The following CSMD1 variants were observed in gnomAD, a reference collection of about 807,000 sequenced individuals.
CSMD1 encodes the protein CUB and sushi domain-containing protein 1.
In CSMD1, 213 loss-of-function variants were observed where a neutral mutation model predicts 417.5. The ratio of observed to expected loss-of-function variants is 0.51; its 90% CI spans 0.46 to 0.57. CSMD1 has a LOEUF of 0.57. Ranked by LOEUF, CSMD1 falls within the 20% of genes least tolerant of loss-of-function variation. The pLI is 0.00. For synonymous variants in CSMD1, 2,862 were observed against 1,736.8 expected (o/e 1.65, Z -16.11); for missense variants, 6,923 against 4,529.7 (o/e 1.53, Z -15.17).
chr8:3,550,164 C>A (rs942487866), intron 10 of CSMD1, among the ~76,000 whole-genome samples: 1 of 152,184 alleles, frequency 6.6e-6, no homozygotes, highest in Admixed American at 6.5e-5. Context: ...AGGAGCCATG[C>A]TTCACCTTTT....
intron 26 of CSMD1, among the ~76,000 whole-genome samples, chr8:3,268,685 T>C (rs1472341877): frequency 6.6e-6 from 1 of 152,200 alleles, no homozygotes; most frequent in Non-Finnish European, 1.5e-5. Context: ...AAAGACATTG[T>C]GATAATCCAG....
At chr8:3,978,908 G>A (rs150141358) in intron 5 of CSMD1, among the ~76,000 whole-genome samples, 3 of 152,282 alleles carry the variant, frequency 2.0e-5, no homozygotes, top group Admixed American at 6.5e-5. Flanking sequence ...AGAAGACAAG[G>A]AATTAGCGTC....
chr8:3,535,139 A>G (rs1047188219), intron 10 of CSMD1, among the ~76,000 whole-genome samples: 1 of 151,732 alleles, frequency 6.6e-6, no homozygotes, highest in African/African-American at 2.4e-5. Context: ...ATTTATATAG[A>G]GACAGGGTCT....
intron 3 of CSMD1, among the ~76,000 whole-genome samples, chr8:4,208,670 C>G (rs539202118): frequency 1.3e-5 from 2 of 151,808 alleles, no homozygotes; most frequent in Non-Finnish European, 2.9e-5. Flanking sequence ...ACCAATTATG[C>G]AAAACATCAT....
intron 41 of CSMD1, among the ~76,000 whole-genome samples, chr8:3,134,273 G>GT (rs1817954486): frequency 1.3e-5 from 2 of 152,220 alleles, no homozygotes; most frequent in Admixed American, 1.3e-4. Flanking sequence ...GGGTTCTGAT[G>GT]TCCGGAGGCC....
chr8:3,146,239 G>A (rs1314787416), intron 40 of CSMD1, among the ~76,000 whole-genome samples: 1 of 152,038 alleles, frequency 6.6e-6, no homozygotes, highest in East Asian at 1.9e-4. Context: ...TCTGTTAACT[G>A]TGCCCTTAGA....
chr8:2,985,228 A>T (rs1320651677), intron 54 of CSMD1, among the ~76,000 whole-genome samples: 6 of 152,226 alleles, frequency 3.9e-5, no homozygotes, highest in Non-Finnish European at 8.8e-5. Context: ...TTGTTTTCAA[A>T]AAGAATCCTG....
intron 3 of CSMD1, among the ~76,000 whole-genome samples, chr8:4,360,627 C>G (rs1365173604): frequency 2.7e-5 from 4 of 145,596 alleles, no homozygotes; most frequent in African/African-American, 8.4e-5. Flanking sequence ...GTAGCTGAGA[C>G]TACAGGCTGC....
intron 6 of CSMD1, among the ~76,000 whole-genome samples, chr8:3,711,118 C>T (rs1349004658): frequency 1.3e-5 from 2 of 152,182 alleles, no homozygotes; most frequent in African/African-American, 4.8e-5. Context: ...CCCCAAAAGA[C>T]AGCACTTCTC....
At chr8:4,458,563 G>C (rs553243914) in intron 2 of CSMD1, among the ~76,000 whole-genome samples, 3 of 151,920 alleles carry the variant, frequency 2.0e-5, no homozygotes, top group Admixed American at 6.6e-5. Flanking sequence ...GTTACTCTTT[G>C]AAAGACATTG....
Position 3,201,351 on chromosome 8 carries a change from C to T in CSMD1, c.5098+261G>A, listed in dbSNP as rs533392759. Among the ~76,000 whole-genome samples the T allele has an allele frequency of 5.3e-5, 8 of 152,082 alleles. No individual in the cohort carries two copies. The East Asian group carries it at 9.7e-4, about 18-fold the overall frequency. On this transcript the variant is annotated intron_variant, in intron 32 of 69. Transcript: ENST00000635120. ...TAGTTGATTATCCCACCCTCTTTTT[C>T]GGATCTTTGCACCTTTTACTGAGAT...
At chr8:3,749,259 A>C (rs554064896) in intron 6 of CSMD1, among the ~76,000 whole-genome samples, 54 of 152,322 alleles carry the variant, frequency 3.5e-4, no homozygotes, top group Admixed American at 7.8e-4. Flanking sequence ...GTCCTGCATA[A>C]ATCTTACATT....
chr8:3,743,679 TCTC>T (rs1300077883), intron 6 of CSMD1, among the ~76,000 whole-genome samples: 2 of 152,170 alleles, frequency 1.3e-5, no homozygotes, highest in African/African-American at 4.8e-5. Context: ...GCTCCACACT[TCTC>T]CGTATTTTTT....
At chr8:3,271,123 C>G (rs911707208) in intron 26 of CSMD1, among the ~76,000 whole-genome samples, 2 of 142,158 alleles carry the variant, frequency 1.4e-5, no homozygotes, top group Admixed American at 1.5e-4. Flanking sequence ...GTTCCCCTTC[C>G]TGTGTTCACG....
intron 11 of CSMD1, among the ~76,000 whole-genome samples, chr8:3,486,728 G>A (rs931717427): frequency 6.6e-5 from 10 of 152,224 alleles, no homozygotes; most frequent in Non-Finnish European, 1.3e-4. Flanking sequence ...TAGGAAGGTT[G>A]CCCTCAAGAC....
At chr8:3,751,579 T>C (rs1454637177) in intron 6 of CSMD1, among the ~76,000 whole-genome samples, 2 of 150,800 alleles carry the variant, frequency 1.3e-5, no homozygotes, top group South Asian at 2.1e-4. Flanking sequence ...AATTCTATAA[T>C]GTAGTTGTAT....
intron 2 of CSMD1, among the ~76,000 whole-genome samples, chr8:4,526,564 G>A (rs1310380517): frequency 3.3e-5 from 5 of 152,192 alleles, no homozygotes; most frequent in Non-Finnish European, 4.4e-5. Context: ...CTATTACGAA[G>A]GTAGCTGACA....
intron 3 of CSMD1, among the ~76,000 whole-genome samples, chr8:4,119,216 C>T (rs1455868150): frequency 6.6e-6 from 1 of 151,886 alleles, no homozygotes; most frequent in Non-Finnish European, 1.5e-5. Context: ...ATGTAACAAG[C>T]CTGCACATTC....
At chr8:4,501,784 T>A (rs560523315) in intron 2 of CSMD1, among the ~76,000 whole-genome samples, 3 of 152,248 alleles carry the variant, frequency 2.0e-5, no homozygotes, top group Non-Finnish European at 4.4e-5. Flanking sequence ...GTTGTCGTTA[T>A]TTGACTTTAT....
Sources: allele counts gnomAD v4.1 joint callset (sites outside exome capture counted in the v4.1 genomes callset), GRCh38; gene constraint gnomAD v4.1.1; transcripts MANE v1.5; gene names NCBI Gene and HGNC (gene_info 2026-07-23, HGNC 2026-07-21).